Variants in SEPTIN9 observed in about 807,000 individuals in gnomAD.
SEPTIN9 encodes septin-9.
In SEPTIN9, 13 loss-of-function variants were observed where a neutral mutation model predicts 56.6. That is an observed-to-expected ratio of 0.23 (90% CI 0.15 to 0.37). The LOEUF is 0.37. Ranked by LOEUF, SEPTIN9 falls within the 10% of genes least tolerant of loss-of-function variation. The pLI is 1.00. For synonymous variants in SEPTIN9, 332 were observed against 334.1 expected (o/e 0.99, Z 0.07); for missense variants, 650 against 823.1 (o/e 0.79, Z 2.57).
intron 3 of SEPTIN9, among the ~76,000 whole-genome samples, chr17:77,455,793 G>A (rs1400599656): frequency 6.6e-6 from 1 of 152,250 alleles, no homozygotes; most frequent in Non-Finnish European, 1.5e-5. Flanking sequence ...TCAGCATTGT[G>A]TGACCGCAGA....
At chr17:77,418,578 A>G (rs948733338) in intron 3 of SEPTIN9, among the ~76,000 whole-genome samples, 1 of 151,764 alleles carries the variant, frequency 6.6e-6, no homozygotes, top group African/African-American at 2.4e-5. Flanking sequence ...CCTGACCTCA[A>G]GTGATCTGCC....
chr17:77,299,562 C>T (rs1046680051), intron 1 of SEPTIN9, among the ~76,000 whole-genome samples: 1 of 152,180 alleles, frequency 6.6e-6, no homozygotes, highest in African/African-American at 2.4e-5. Context: ...CAGCAAGATC[C>T]TTATCTCTTC....
chr17:77,421,647 T>C lies in SEPTIN9; in HGVS notation c.721+18944T>C, dbSNP rs559926255. On this transcript the variant is annotated intron_variant, in intron 3 of 11. Coordinates refer to ENST00000427177, the MANE Select transcript of SEPTIN9 (RefSeq NM_001113491.2). The surrounding 1 kb of genome is among the most constrained non-coding windows in gnomAD (Gnocchi z 4.6). ...GCCATTCACCTGAGGTTTATTGATC[T>C]TTCTCTTTGGAACTGGAGTGGCTCC... Among the ~76,000 whole-genome samples the C allele has an allele frequency of 4.6e-5, 7 of 152,314 alleles. No individual in the cohort carries two copies. The East Asian group carries it at 1.4e-3, about 29-fold the overall frequency.
At chr17:77,415,193 G>A (rs2036454715) in intron 3 of SEPTIN9, among the ~76,000 whole-genome samples, 1 of 152,206 alleles carries the variant, frequency 6.6e-6, no homozygotes, top group South Asian at 2.1e-4. Flanking sequence ...GCCAGGAGGT[G>A]GCCAGGTGGA....
chr17:77,404,091 C>T (rs1364633977), intron 3 of SEPTIN9, among the ~76,000 whole-genome samples: 1 of 152,182 alleles, frequency 6.6e-6, no homozygotes, highest in Non-Finnish European at 1.5e-5. Flanking sequence ...AAGGTTCATC[C>T]GTCGTGCTGT....
Position 77,310,469 on chromosome 17 carries a change from T to C in SEPTIN9, c.76+3272T>C, listed in dbSNP as rs113851247. On this transcript the variant is annotated intron_variant, in intron 2 of 11. Coordinates refer to ENST00000427177, the MANE Select transcript of SEPTIN9 (RefSeq NM_001113491.2). This position sits in a 1 kb window ranked among gnomAD's most constrained non-coding sequence, Gnocchi z 4.7. ...GATCCACGAAGCCTTGGTTCACTTA[T>C]TTTGGCAGCTAGCGAGTGTTCCTCT... Among the ~76,000 whole-genome samples the C allele has an allele frequency of 0.013, 1,803 of 143,904 alleles. 18 individuals are homozygous for C. Among genetic ancestry groups the C allele is most frequent in the Non-Finnish European group, 0.02 (1,296 of 65,646 alleles). The allele number at this position is 143,904 out of a possible 152,430, so 94.4% of individuals were successfully genotyped here. A position where few individuals can be genotyped will look rare whatever the true frequency, so the allele number is the denominator to read the frequency against.
intron 1 of SEPTIN9, among the ~76,000 whole-genome samples, chr17:77,305,264 T>C (rs2032215309): frequency 6.6e-6 from 1 of 151,992 alleles, no homozygotes; most frequent in Admixed American, 6.6e-5. Flanking sequence ...TGGAGGTGAA[T>C]TCCGCAGCTG....
At chr17:77,379,774 G>A (rs917873166) in intron 2 of SEPTIN9, among the ~76,000 whole-genome samples, 31 of 152,242 alleles carry the variant, frequency 2.0e-4, no homozygotes, top group African/African-American at 2.6e-4. Flanking sequence ...CTGGAGCCCC[G>A]GACGATTCCG....
At chr17:77,396,000 G>C (rs2035701097) in intron 2 of SEPTIN9, among the ~76,000 whole-genome samples, 1 of 152,154 alleles carries the variant, frequency 6.6e-6, no homozygotes, top group African/African-American at 2.4e-5. Flanking sequence ...CAGGCTTTTG[G>C]AGCAAGTTGA....
In SEPTIN9 at chr17:77,281,527, G is replaced by C; in HGVS notation, c.-9G>C. On this transcript the variant is annotated 5_prime_UTR_variant, in exon 1 of 12. Coordinates refer to ENST00000427177, the MANE Select transcript of SEPTIN9 (RefSeq NM_001113491.2). ...ACACTTTCCTGGGAGCGGCGGCCAC[G>C]GAGGCACCATGAAGAAGTCTTACTC... 1 of 1,548,916 alleles carries C rather than the reference G, an allele frequency of 6.5e-7. No individual in the cohort carries two copies. The highest frequency in any genetic ancestry group is 8.7e-7 in the Non-Finnish European group (1 of 1,146,982).
intron 2 of SEPTIN9, chr17:77,376,217 A>G: frequency 1.0e-6 from 1 of 986,342 alleles, no homozygotes. Context: ...GCTGGGGCAT[A>G]AGGAGGGGCC....
At chr17:77,303,644 G>T (rs2032151445) in intron 1 of SEPTIN9, among the ~76,000 whole-genome samples, 1 of 151,844 alleles carries the variant, frequency 6.6e-6, no homozygotes, top group African/African-American at 2.4e-5. Context: ...TCGTGCCACT[G>T]CAGTCCAACC....
At position 77,405,556 on chromosome 17, in the gene SEPTIN9, C is replaced by G. The variant is rs970372253; in HGVS notation, c.721+2853C>G. The stretch of plus-strand genomic sequence containing the variant: ...CCTGTGCAGGTGGGAGTCCAGCTCA[C>G]GTGGAGAGGTCCGTGGGCTGGGCTG... On this transcript the variant is annotated intron_variant, in intron 3 of 11. Coordinates refer to ENST00000427177, the MANE Select transcript of SEPTIN9 (RefSeq NM_001113491.2). This position sits in a 1 kb window ranked among gnomAD's most constrained non-coding sequence, Gnocchi z 5.8. Among the ~76,000 whole-genome samples the G allele has an allele frequency of 6.6e-6, 1 of 152,166 alleles. No homozygotes were observed. Among genetic ancestry groups the G allele is most frequent in the East Asian group, 1.9e-4 (1 of 5,190 alleles).
intron 3 of SEPTIN9, among the ~76,000 whole-genome samples, chr17:77,431,830 CAAA>C (rs61461406): frequency 1.1e-4 from 6 of 55,248 alleles, no homozygotes; most frequent in East Asian, 1.1e-3. Flanking sequence ...AATGCTGTCT[CAAA>C]AAAAAAAAAA....
rs2039207549 is a variant in SEPTIN9 at position 77,476,196 on chromosome 17, C to A, written c.722-5948C>A. Among the ~76,000 whole-genome samples, 1 of 152,272 alleles carries A rather than the reference C, an allele frequency of 6.6e-6. No individual in the cohort carries two copies. Among genetic ancestry groups the A allele is most frequent in the South Asian group, 2.1e-4 (1 of 4,828 alleles). On this transcript the variant is annotated intron_variant, in intron 3 of 11. Transcript: ENST00000427177. The surrounding 1 kb of genome is among the most constrained non-coding windows in gnomAD (Gnocchi z 6.0). Reference sequence around the variant, plus strand: ...GGGAGGGGTAGGCAGAGAAGGGCGGCCCCTGGGTCTTGGTTTCCAAGTCAG... The same window carrying A: ...GGGAGGGGTAGGCAGAGAAGGGCGGACCCTGGGTCTTGGTTTCCAAGTCAG...
intron 1 of SEPTIN9, among the ~76,000 whole-genome samples, chr17:77,287,532 T>A (rs2031335575): frequency 6.6e-6 from 1 of 152,230 alleles, no homozygotes; most frequent in South Asian, 2.1e-4. Flanking sequence ...TCCTCTCCTG[T>A]ACGCTGGAGG....
chr17:77,368,316 T>G (rs1280537167), intron 2 of SEPTIN9, among the ~76,000 whole-genome samples: 3 of 95,744 alleles, frequency 3.1e-5, no homozygotes, highest in African/African-American at 9.1e-5. Context: ...TTTGTTTTTG[T>G]TTTTTTTTTT....
chr17:77,420,329 G>A (rs865842743), intron 3 of SEPTIN9, among the ~76,000 whole-genome samples: 14 of 152,326 alleles, frequency 9.2e-5, no homozygotes, highest in Admixed American at 1.3e-4. Flanking sequence ...TTGCCTCCTC[G>A]GAACACTTGC....
chr17:77,367,748 G>A lies in SEPTIN9; in HGVS notation c.77-34311G>A, dbSNP rs1053436193. Among the ~76,000 whole-genome samples, 4 of 152,074 alleles carry A rather than the reference G, an allele frequency of 2.6e-5. No homozygotes were observed. Among genetic ancestry groups the A allele is most frequent in the East Asian group, 1.9e-4 (1 of 5,194 alleles). ...GGAGAATTGCTCCGATCTGGGAGGC[G>A]GAGGTTGCAGTGAGCCGAGATCACG... On this transcript the variant is annotated intron_variant, in intron 2 of 11. Transcript: ENST00000427177. The surrounding 1 kb of genome is among the most constrained non-coding windows in gnomAD (Gnocchi z 4.5).
Sources: gnomAD v4.1 joint callset for allele counts (sites outside exome capture counted in the v4.1 genomes callset) on GRCh38, gnomAD v4.1.1 for gene constraint, Gnocchi (gnomAD v3.1) non-coding constraint, MANE v1.5 for transcripts, NCBI Gene and HGNC (gene_info 2026-07-23, HGNC 2026-07-21) for gene names.